SMAD1: variants seen among roughly 807,000 people sequenced by gnomAD.
SMAD1 encodes the protein SMAD family member 1, also known as MAD, mothers against decapentaplegic homolog 1.
A neutral mutation model predicts 41.6 loss-of-function variants in SMAD1; 6 were observed. The ratio of observed to expected loss-of-function variants is 0.14; its 90% CI spans 0.08 to 0.28. SMAD1 has a LOEUF of 0.28. Among genes scored for constraint, SMAD1 ranks in the 10% least tolerant of loss-of-function variants. The probability of loss-of-function intolerance (pLI) is 1.00; values close to 1 mark genes in which losing one functional copy is unlikely to be tolerated. For synonymous variants in SMAD1, 206 were observed against 203.2 expected, an observed-to-expected ratio of 1.01 and a Z score of -0.12; for missense variants, 379 against 582.6, an observed-to-expected ratio of 0.65 and a Z score of 3.60.
chr4:145,517,705 A>G (rs1314049632), intron 2 of SMAD1, among the ~76,000 whole-genome samples: 4 of 70,254 alleles, frequency 5.7e-5, no homozygotes, highest in South Asian at 4.6e-4. Flanking sequence ...CCTTTTGACC[A>G]TCTTCTTCCC....
At chr4:145,490,160 G>A (rs1728698221) in intron 1 of SMAD1, among the ~76,000 whole-genome samples, 1 of 152,204 alleles carries the variant, frequency 6.6e-6, no homozygotes, top group Non-Finnish European at 1.5e-5. Context: ...ATATTTGAAG[G>A]TTGAGGGGAA....
intron 4 of SMAD1, 25 bp downstream of exon 4, chr4:145,542,723 C>A: frequency 6.8e-7 from 1 of 1,461,566 alleles, no homozygotes; most frequent in South Asian, 1.2e-5. Flanking sequence ...TGCCTGTTCC[C>A]TTTTTTAGAG....
intron 1 of SMAD1, among the ~76,000 whole-genome samples, chr4:145,488,442 C>T (rs1315569610): frequency 1.3e-5 from 2 of 151,704 alleles, no homozygotes; most frequent in African/African-American, 4.8e-5. Flanking sequence ...TATAGTTACT[C>T]CAACTATTCA....
chr4:145,489,837 T>C (rs1266588942), intron 1 of SMAD1, among the ~76,000 whole-genome samples: 1 of 152,158 alleles, frequency 6.6e-6, no homozygotes, highest in African/African-American at 2.4e-5. Context: ...GAATCTTCCA[T>C]TGGAGCCCAC....
chr4:145,523,597 C>T (rs185690450), intron 2 of SMAD1, among the ~76,000 whole-genome samples: 3 of 151,962 alleles, frequency 2.0e-5, no homozygotes, highest in African/African-American at 4.8e-5. Flanking sequence ...AAATAACTAT[C>T]GTTATTATAT....
chr4:145,504,519 C>A (rs955294209), intron 1 of SMAD1, among the ~76,000 whole-genome samples: 1 of 152,134 alleles, frequency 6.6e-6, no homozygotes, highest in Non-Finnish European at 1.5e-5. Flanking sequence ...CTACTGTCTG[C>A]TACTTATCGT....
At chr4:145,511,213 CTTACTATT>C (rs1730057779) in intron 1 of SMAD1, among the ~76,000 whole-genome samples, 1 of 152,146 alleles carries the variant, frequency 6.6e-6, no homozygotes, top group South Asian at 2.1e-4. Context: ...ATATCTAAAT[CTTACTATT>C]TTCTGTTTGT....
At chr4:145,497,179 TTACTAGTAAGGCTGC>T (rs1281514952) in intron 1 of SMAD1, 1 of 152,222 alleles carries the variant, frequency 6.6e-6, no homozygotes, top group Non-Finnish European at 1.5e-5. Context: ...CAATAGTTAA[TTACTAGTAAGGCTGC>T]TTTGGATTAT....
intron 2 of SMAD1, among the ~76,000 whole-genome samples, chr4:145,519,664 A>C (rs76322565): frequency 6.7e-6 from 1 of 148,446 alleles, no homozygotes; most frequent in Non-Finnish European, 1.5e-5. Flanking sequence ...AAAAAAAAAA[A>C]AACCCACTTT....
intron 1 of SMAD1, chr4:145,503,064 C>T (rs1463068261): frequency 6.6e-6 from 1 of 152,218 alleles, no homozygotes; most frequent in African/African-American, 2.4e-5. Context: ...TCTCCTATCT[C>T]CAACCCCCAA....
chr4:145,532,201 G>T (rs187978626), intron 2 of SMAD1, among the ~76,000 whole-genome samples: 10 of 152,300 alleles, frequency 6.6e-5, no homozygotes, highest in Admixed American at 1.3e-4. Flanking sequence ...AACATTCTTA[G>T]TTGGGTTTCC....
At chr4:145,511,189 T>G (rs975739796) in intron 1 of SMAD1, among the ~76,000 whole-genome samples, 2 of 152,228 alleles carry the variant, frequency 1.3e-5, no homozygotes, top group African/African-American at 4.8e-5. Context: ...AGTAATTGCT[T>G]ATACTTTGGG....
intron 1 of SMAD1, among the ~76,000 whole-genome samples, chr4:145,512,709 G>T (rs1046762218): frequency 6.6e-6 from 1 of 152,102 alleles, no homozygotes; most frequent in African/African-American, 2.4e-5. Context: ...TCACCCGTTA[G>T]GTCTGTTTCT....
chr4:145,512,580 C>T (rs1312807290), intron 1 of SMAD1, among the ~76,000 whole-genome samples: 1 of 152,076 alleles, frequency 6.6e-6, no homozygotes, highest in African/African-American at 2.4e-5. Flanking sequence ...TTATTTCATT[C>T]TTCTTTATGG....
intron 2 of SMAD1, among the ~76,000 whole-genome samples, chr4:145,519,599 A>C (rs187056158): frequency 6.6e-6 from 1 of 150,444 alleles, no homozygotes. Context: ...ACCTGTAGTG[A>C]GCTATCATCA....
At chr4:145,503,219 T>G (rs1291965681) in intron 1 of SMAD1, among the ~76,000 whole-genome samples, 4 of 152,050 alleles carry the variant, frequency 2.6e-5, no homozygotes. Context: ...AAGATGGAAC[T>G]TTACTTGTGG....
intron 2 of SMAD1, among the ~76,000 whole-genome samples, chr4:145,521,362 A>G (rs1042453134): frequency 1.3e-5 from 2 of 152,122 alleles, no homozygotes; most frequent in African/African-American, 4.8e-5. Context: ...GTTCTTGAAA[A>G]TTATCTTCTG....
At chr4:145,490,395 A>G (rs1338246401) in intron 1 of SMAD1, among the ~76,000 whole-genome samples, 1 of 152,240 alleles carries the variant, frequency 6.6e-6, no homozygotes, top group African/African-American at 2.4e-5. Flanking sequence ...AGATCAGCAC[A>G]TGGTAAGGGA....
Position 145,557,985 on chromosome 4 carries a change from G to T in SMAD1, c.*51G>T. ...AAACTATTGAGCCTTGCATGTACTT[G>T]AAGGATGGATGAGTCAGACACGATT... On this transcript the variant is annotated 3_prime_UTR_variant, in exon 7 of 7. Coordinates refer to ENST00000302085, the MANE Select transcript of SMAD1 (RefSeq NM_005900.3). 1 of 1,420,830 alleles carries T rather than the reference G, an allele frequency of 7.0e-7. No individual in the cohort carries two copies. The allele number at this position is 1,420,830 out of a possible 1,614,324, so 88.0% of individuals were successfully genotyped here.
Sources: gnomAD v4.1 joint callset for allele counts (sites outside exome capture counted in the v4.1 genomes callset) on GRCh38, gnomAD v4.1.1 for gene constraint, MANE v1.5 for transcripts, NCBI Gene and HGNC (gene_info 2026-07-23, HGNC 2026-07-21) for gene names.